WDFY3: variants seen among roughly 807,000 people sequenced by gnomAD.
The protein encoded by WDFY3 is WD repeat and FYVE domain-containing protein 3.
In WDFY3, 66 loss-of-function variants were observed where a neutral mutation model predicts 409.6. That is an observed-to-expected ratio of 0.16 (90% CI 0.13 to 0.20). WDFY3 has a LOEUF of 0.20. Ranked by LOEUF, WDFY3 falls within the 10% of genes least tolerant of loss-of-function variation. The pLI is 1.00. For synonymous variants in WDFY3, 1,521 were observed against 1,537.1 expected (o/e 0.99, Z 0.25); for missense variants, 3,031 against 4,298.1 (o/e 0.71, Z 8.24).
chr4:84,935,493 A>G (rs1484430880), intron 1 of WDFY3, among the ~76,000 whole-genome samples: 1 of 152,114 alleles, frequency 6.6e-6, no homozygotes, highest in East Asian at 1.9e-4. Context: ...TGGCTATCTC[A>G]TATTTTCTCT....
chr4:84,855,492 A>C (rs1759633896), intron 4 of WDFY3, among the ~76,000 whole-genome samples: 1 of 152,184 alleles, frequency 6.6e-6, no homozygotes, highest in African/African-American at 2.4e-5. Context: ...AGGGAAAGCA[A>C]ATTAATGGTG....
At chr4:84,829,562 G>C (rs1223247950) in intron 8 of WDFY3, among the ~76,000 whole-genome samples, 3 of 152,038 alleles carry the variant, frequency 2.0e-5, no homozygotes, top group Non-Finnish European at 4.4e-5. Context: ...CTAAGTTTAA[G>C]AAGAAAAATC....
At chr4:84,687,659 A>G (rs556154143) in intron 62 of WDFY3, 31 of 152,824 alleles carry the variant, frequency 2.0e-4, no homozygotes, top group Non-Finnish European at 4.5e-4. Flanking sequence ...CTTTTATAAA[A>G]TGAGTATCTA....
chr4:84,928,679 TATA>T (rs1377672374), intron 2 of WDFY3, among the ~76,000 whole-genome samples: 1 of 152,176 alleles, frequency 6.6e-6, no homozygotes, highest in African/African-American at 2.4e-5. Flanking sequence ...CCTAATACTT[TATA>T]ATACCTTAGT....
intron 2 of WDFY3, among the ~76,000 whole-genome samples, chr4:84,929,827 C>T (rs746757292): frequency 1.4e-4 from 21 of 151,966 alleles, no homozygotes; most frequent in Non-Finnish European, 2.5e-4. Context: ...ACGAGAATCG[C>T]TTGAACCCAG....
chr4:84,752,735 G>A (rs1465441495), intron 35 of WDFY3, among the ~76,000 whole-genome samples: 1 of 152,064 alleles, frequency 6.6e-6, no homozygotes, highest in Admixed American at 6.6e-5. Flanking sequence ...TTAGTATAAA[G>A]AAGGTCATTT....
intron 48 of WDFY3, among the ~76,000 whole-genome samples, chr4:84,718,190 T>G (rs1734278961): frequency 6.6e-6 from 1 of 151,710 alleles, no homozygotes; most frequent in African/African-American, 2.4e-5. Flanking sequence ...TAACTCAGAA[T>G]GCACAGAAAT....
chr4:84,782,551 T>G (rs1746723202), intron 25 of WDFY3, among the ~76,000 whole-genome samples: 1 of 152,120 alleles, frequency 6.6e-6, no homozygotes. Flanking sequence ...CCACTTCCCC[T>G]GACAGGCCCT....
rs1404103344 is a variant in WDFY3 at position 84,787,689 on chromosome 4, C to T, written c.3694G>A (p.Gly1232Arg). The change falls in exon 23 of 68, where the codon GGG becomes AGG. Residue 1232 changes from glycine to arginine, a missense_variant. By Grantham distance (125) the Gly-to-Arg change is moderately radical (BLOSUM62 -2). This residue lies in a region of WDFY3 where 1,322 missense variants were observed against 1,697.9 expected (regional missense o/e 0.78). Transcript: ENST00000295888. The part of the protein sequence containing the change: ...VKLHYVHSTP[G>R]GSGSANPPVV... ...GGTGGATTTGCCGAACCTGAACCCCCTGGAGTACTGTGGACATAATGAAGC... is the reference window on the plus strand; with the variant it reads ...GGTGGATTTGCCGAACCTGAACCCCTTGGAGTACTGTGGACATAATGAAGC... The T allele has an allele frequency of 6.2e-7, 1 of 1,613,750 alleles. No homozygotes were observed. Among genetic ancestry groups the T allele is most frequent in the Admixed American group, 1.7e-5 (1 of 60,006 alleles).
chr4:84,912,303 T>C (rs558459826), intron 2 of WDFY3, among the ~76,000 whole-genome samples: 1 of 152,226 alleles, frequency 6.6e-6, no homozygotes, highest in South Asian at 2.1e-4. Context: ...GAAAAACAAA[T>C]CTAGCATTAA....
chr4:84,923,944 T>C (rs1375951318), intron 2 of WDFY3, among the ~76,000 whole-genome samples: 4 of 152,144 alleles, frequency 2.6e-5, no homozygotes, highest in East Asian at 1.9e-4. Flanking sequence ...AGGCTGCAAA[T>C]AGCCATGATT....
chr4:84,885,771 T>C (rs1018313485), intron 3 of WDFY3, among the ~76,000 whole-genome samples: 6 of 152,208 alleles, frequency 3.9e-5, no homozygotes, highest in Non-Finnish European at 7.3e-5. Context: ...GCTGTGTCCT[T>C]AGACATGTGG....
At chr4:84,955,638 G>A (rs1054115824) in intron 1 of WDFY3, among the ~76,000 whole-genome samples, 5 of 152,036 alleles carry the variant, frequency 3.3e-5, no homozygotes, top group African/African-American at 9.7e-5. Context: ...TGAAGAGTAC[G>A]TGGAGCTCTA....
In WDFY3 at chr4:84,741,741, T is replaced by A. The variant is rs1210331805; in HGVS notation, c.6234+20A>T. On this transcript the variant is annotated intron_variant, in intron 38 of 67. Transcript: ENST00000295888. ...AACAGGAAAACATGTACTCTACAACTGATAGTGACAATGGATTACCTGTGC... is the reference window on the plus strand; with the variant it reads ...AACAGGAAAACATGTACTCTACAACAGATAGTGACAATGGATTACCTGTGC... The A allele has an allele frequency of 6.9e-6, 11 of 1,589,500 alleles. No individual in the cohort carries two copies. Among genetic ancestry groups the A allele is most frequent in the Middle Eastern group, 1.7e-4 (1 of 5,912 alleles).
In WDFY3 at chr4:84,831,525, T is replaced by G. The variant is rs1755733453; in HGVS notation, c.657A>C (p.Ala219=). 1 of 1,614,150 alleles carries G rather than the reference T, an allele frequency of 6.2e-7. No homozygotes were observed. Among genetic ancestry groups the G allele is most frequent in the Non-Finnish European group, 8.5e-7 (1 of 1,180,012 alleles). ...TATAGGGAGGGCACCAAGAGGTTAT[T>G]GCACTGAATAGAAGCTGGAGATCAT... The part of the protein sequence containing the change: ...QKDDLQLLFS[A]ITSWCPPYNL... Residue 219 remains alanine, a synonymous_variant, in exon 8 of 68, where the codon GCA becomes GCC. Coordinates refer to ENST00000295888, the MANE Select transcript of WDFY3 (RefSeq NM_014991.6).
At chr4:84,878,971 A>T (rs926903953) in intron 3 of WDFY3, among the ~76,000 whole-genome samples, 3 of 152,234 alleles carry the variant, frequency 2.0e-5, no homozygotes, top group Non-Finnish European at 4.4e-5. Context: ...TGCCGACTTC[A>T]GTTTTTACTC....
At chr4:84,753,526 G>C (rs1740899977) in intron 35 of WDFY3, among the ~76,000 whole-genome samples, 171 bp downstream of exon 35, 1 of 152,156 alleles carries the variant, frequency 6.6e-6, no homozygotes, top group Non-Finnish European at 1.5e-5. Context: ...AAACTGTGGG[G>C]AGCTGGGGAC....
intron 17 of WDFY3, among the ~76,000 whole-genome samples, chr4:84,800,171 C>G (rs968245238): frequency 6.6e-6 from 1 of 152,176 alleles, no homozygotes; most frequent in African/African-American, 2.4e-5. Flanking sequence ...GATACAACAC[C>G]ATTTAACAAA....
At chr4:84,757,303 T>C in intron 32 of WDFY3, 142 bp from the exon 33 acceptor site, 2 of 732,862 alleles carry the variant, frequency 2.7e-6, no homozygotes, top group Non-Finnish European at 4.4e-6. Flanking sequence ...AGTATTCAAC[T>C]GTTGAATTAA....
Sources: allele counts gnomAD v4.1 joint callset (sites outside exome capture counted in the v4.1 genomes callset), GRCh38; gene constraint gnomAD v4.1.1; regional missense constraint gnomAD v4.1.1; transcripts MANE v1.5; gene names NCBI Gene and HGNC (gene_info 2026-07-23, HGNC 2026-07-21).